EIF1AX: variants seen among roughly 807,000 people sequenced by gnomAD.
The protein encoded by EIF1AX is eukaryotic translation initiation factor 1A, X-chromosomal.
EIF1AX carries 1 observed loss-of-function variant against 16.1 expected under a neutral mutation model. The observed-to-expected ratio is 0.06, with a 90% CI of 0.02 to 0.30. The LOEUF (loss-of-function observed/expected upper bound fraction) is 0.30, where lower values mean the gene tolerates loss of function less well. Among genes scored for constraint, EIF1AX ranks in the 10% least tolerant of loss-of-function variants. EIF1AX has a pLI of 1.00. For synonymous variants in EIF1AX, 32 were observed against 37.3 expected (o/e 0.86, Z 0.51); for missense variants, 11 against 109.1 (o/e 0.10, Z 4.00).
chrX:20,138,006 T>G (rs1286090233), intron 2 of EIF1AX, among the ~76,000 whole-genome samples: 1 of 81,827 alleles, frequency 1.2e-5, no homozygotes, highest in Non-Finnish European at 2.4e-5. Flanking sequence ...TTTTTTTTTT[T>G]TTTTTTTTTT....
chrX:20,126,733 T>C lies in EIF1AX; in HGVS notation c.*1573A>G, dbSNP rs1433799722. The stretch of plus-strand genomic sequence containing the variant: ...TTAAAAACCAGCCCTTAGTCTCAGA[T>C]GCATTCCACCTAGATGTGTTCACGA... On this transcript the variant is annotated 3_prime_UTR_variant, in exon 7 of 7. Coordinates refer to ENST00000379607, the MANE Select transcript of EIF1AX (RefSeq NM_001412.4). 7.2e-6 allele frequency: 1 copy of C among 138,939 alleles called. No individual in the cohort carries two copies. The highest frequency in any genetic ancestry group is 1.4e-5 in the Non-Finnish European group (1 of 69,853). 11.5% of individuals were successfully genotyped at this position (138,939 alleles called of 1,213,427 possible).
chrX:20,141,018 C>G (rs1247088748), intron 1 of EIF1AX, among the ~76,000 whole-genome samples: 1 of 111,106 alleles, frequency 9.0e-6, no homozygotes, highest in Non-Finnish European at 1.9e-5. Context: ...AAACTTGGCT[C>G]AATATGGAAT....
intron 2 of EIF1AX, chrX:20,136,485 G>A (rs2067017470): frequency 6.3e-6 from 1 of 158,601 alleles, no homozygotes; most frequent in African/African-American, 3.0e-5. Flanking sequence ...TTCTGAATAA[G>A]TAGATTGACT....
At chrX:20,129,971 C>T (rs2066996151) in intron 6 of EIF1AX, among the ~76,000 whole-genome samples, 1 of 111,628 alleles carries the variant, frequency 9.0e-6, no homozygotes, top group Non-Finnish European at 1.9e-5. Context: ...CAAACACTGA[C>T]CTTTTCAGGA....
chrX:20,135,537 T>G (rs1308073300), intron 3 of EIF1AX, among the ~76,000 whole-genome samples: 2 of 111,948 alleles, frequency 1.8e-5, no homozygotes, highest in Non-Finnish European at 3.8e-5. Context: ...ACAATACAAG[T>G]GATACAAATG....
intron 2 of EIF1AX, chrX:20,136,126 A>G (rs1188627446): frequency 6.9e-6 from 2 of 289,260 alleles, no homozygotes; most frequent in African/African-American, 2.7e-5. Context: ...AAACCTTTAC[A>G]TCATTGCCCA....
At chrX:20,134,569 C>A (rs756127659) in intron 3 of EIF1AX, among the ~76,000 whole-genome samples, 1 of 108,830 alleles carries the variant, frequency 9.2e-6, no homozygotes, top group Non-Finnish European at 1.9e-5. Flanking sequence ...AAAACCTTGT[C>A]TTTACTAAAA....
intron 3 of EIF1AX, among the ~76,000 whole-genome samples, chrX:20,134,873 C>A (rs2067011510): frequency 8.9e-6 from 1 of 112,468 alleles, no homozygotes; most frequent in African/African-American, 3.2e-5. Context: ...GCCTGAATAA[C>A]TACTGTGATG....
At chrX:20,133,162 T>C (rs957765769) in intron 4 of EIF1AX, among the ~76,000 whole-genome samples, 11 of 111,997 alleles carry the variant, frequency 9.8e-5, no homozygotes, top group Non-Finnish European at 1.9e-4. Context: ...GTTACTCATT[T>C]TGGACCCTTG....
chrX:20,126,775 A>T lies in EIF1AX; in HGVS notation c.*1531T>A, dbSNP rs2066986483. On this transcript the variant is annotated 3_prime_UTR_variant, in exon 7 of 7. Transcript: ENST00000379607. ...TGTTCACGAACTCCATAGAATAAGA[A>T]ATATAAACCATGAATACGTACTCTT... The T allele has an allele frequency of 7.1e-6, 1 of 141,211 alleles. No individual in the cohort carries two copies. The allele number at this position is 141,211 out of a possible 1,213,427, so 11.6% of individuals were successfully genotyped here. A position where few individuals can be genotyped will look rare whatever the true frequency, so the allele number is the denominator to read the frequency against.
chrX:20,130,635 A>C (rs1228188755), intron 5 of EIF1AX, 28 bp from the exon 6 acceptor site: 1 of 1,160,621 alleles, frequency 8.6e-7, no homozygotes, highest in Non-Finnish European at 1.2e-6. Flanking sequence ...AATACTCATA[A>C]GTCAGCACTG....
intron 6 of EIF1AX, 71 bp from the exon 7 acceptor site, chrX:20,128,382 AG>A: frequency 1.0e-6 from 1 of 965,292 alleles, no homozygotes; most frequent in South Asian, 2.3e-5. Context: ...TCCATATATA[AG>A]GGAGACTTTC....
chrX:20,140,640 G>C (rs143334787), intron 1 of EIF1AX, among the ~76,000 whole-genome samples: 9 of 111,699 alleles, frequency 8.1e-5, no homozygotes, highest in African/African-American at 2.6e-4. Context: ...AGCAGAAGTA[G>C]GCCTGTGTCA....
At chrX:20,131,858 G>C (rs1404224019) in intron 5 of EIF1AX, among the ~76,000 whole-genome samples, 1 of 107,569 alleles carries the variant, frequency 9.3e-6, no homozygotes, top group African/African-American at 3.4e-5. Context: ...ATGCCCGGCT[G>C]ACTTGCACTT....
At position 20,141,826 on chromosome X, in the gene EIF1AX, G is replaced by A. The variant is rs1569175479; in HGVS notation, c.-186C>T. 2.4e-6 allele frequency: 1 copy of A among 412,061 alleles called. No individual in the cohort carries two copies. Among genetic ancestry groups the A allele is most frequent in the Non-Finnish European group, 4.1e-6 (1 of 244,573 alleles). 34.0% of individuals were successfully genotyped at this position (412,061 alleles called of 1,213,427 possible). Reference sequence around the variant, plus strand: ...AGATCCGCCTGCGTCCACGCTCGGCGGCAGCAAATGGCGCCGCGACTCTTT... The same window carrying A: ...AGATCCGCCTGCGTCCACGCTCGGCAGCAGCAAATGGCGCCGCGACTCTTT... On this transcript the variant is annotated 5_prime_UTR_variant, in exon 1 of 7. Transcript: ENST00000379607.
chrX:20,136,822 G>A (rs1440909881), intron 2 of EIF1AX, among the ~76,000 whole-genome samples: 1 of 111,583 alleles, frequency 9.0e-6, no homozygotes, highest in African/African-American at 3.3e-5. Flanking sequence ...GTATGCCCAA[G>A]TCAAGTCAGC....
At chrX:20,130,922 A>T (rs1311458041) in intron 5 of EIF1AX, among the ~76,000 whole-genome samples, 1 of 111,891 alleles carries the variant, frequency 8.9e-6, no homozygotes, top group Non-Finnish European at 1.9e-5. Flanking sequence ...ACTAATCATC[A>T]GATAGACTCA....
chrX:20,132,870 T>A (rs764151198), intron 4 of EIF1AX, among the ~76,000 whole-genome samples: 5 of 112,230 alleles, frequency 4.5e-5, no homozygotes, highest in Non-Finnish European at 9.4e-5. Context: ...ACTTCCCTAT[T>A]TGAAAATAAT....
rs1382734285 is a variant in EIF1AX at position 20,127,331 on chromosome X, C to T, written c.*975G>A. The T allele has an allele frequency of 7.4e-6, 1 of 135,054 alleles. No homozygotes were observed. Among genetic ancestry groups the T allele is most frequent in the Non-Finnish European group, 1.5e-5 (1 of 66,546 alleles). The allele number at this position is 135,054 out of a possible 1,213,427, so 11.1% of individuals were successfully genotyped here. ...CTGAGTTGTTATTCCTTCCTCTTCC[C>T]TTAGCTTAGGGATATGTTGAAAAAG... is the stretch of plus-strand genomic sequence containing the variant. On this transcript the variant is annotated 3_prime_UTR_variant, in exon 7 of 7. Coordinates refer to ENST00000379607, the MANE Select transcript of EIF1AX (RefSeq NM_001412.4).
Sources: gnomAD v4.1 joint callset for allele counts (sites outside exome capture counted in the v4.1 genomes callset) on GRCh38, gnomAD v4.1.1 for gene constraint, MANE v1.5 for transcripts, NCBI Gene and HGNC (gene_info 2026-07-23, HGNC 2026-07-21) for gene names.